The following NFIA variants were observed in gnomAD, a reference collection of about 807,000 sequenced individuals.
NFIA encodes nuclear factor I A.
In NFIA, 8 loss-of-function variants were observed where a neutral mutation model predicts 62.8. The observed-to-expected ratio is 0.13, with a 90% CI of 0.07 to 0.23. The LOEUF (loss-of-function observed/expected upper bound fraction) is 0.23. Among genes scored for constraint, NFIA ranks in the 10% least tolerant of loss-of-function variants. NFIA has a pLI of 1.00. For synonymous variants in NFIA, 235 were observed against 238.1 expected, an observed-to-expected ratio of 0.99 and a Z score of 0.12; for missense variants, 410 against 642.1, an observed-to-expected ratio of 0.64 and a Z score of 3.91.
rs780505516 is a variant in NFIA at position 61,082,564 on chromosome 1, G to T, written c.-228G>T. On this transcript the variant is annotated 5_prime_UTR_variant, in exon 1 of 11. Coordinates refer to ENST00000403491, the MANE Select transcript of NFIA (RefSeq NM_001134673.4). Reference sequence around the variant, plus strand: ...GGAGTGTAGGGAAACTCTAGGCGGGGTTAAAGTTCAGCTCATGGAGCGGCA... The same window carrying T: ...GGAGTGTAGGGAAACTCTAGGCGGGTTTAAAGTTCAGCTCATGGAGCGGCA... 1.8e-5 allele frequency: 27 copies of T among 1,461,620 alleles called. No homozygotes were observed. The highest frequency in any genetic ancestry group is 2.4e-5 in the Non-Finnish European group (27 of 1,102,772). 90.5% of individuals were successfully genotyped at this position (1,461,620 alleles called of 1,614,324 possible). A position where few individuals can be genotyped will look rare whatever the true frequency, so the allele number is the denominator to read the frequency against.
intron 5 of NFIA, 36 bp from the exon 6 acceptor site, chr1:61,359,111 G>A (rs759891148): frequency 3.7e-6 from 6 of 1,605,602 alleles, no homozygotes; most frequent in East Asian, 2.2e-5. Flanking sequence ...AGGTGGTTGC[G>A]ATTGCTTTTA....
chr1:61,404,607 C>T (rs1267581000), intron 8 of NFIA, among the ~76,000 whole-genome samples: 1 of 152,044 alleles, frequency 6.6e-6, no homozygotes, highest in African/African-American at 2.4e-5. Flanking sequence ...ATACAGTTAA[C>T]AAAATAGAAA....
rs61677972 is a variant in NFIA, at chr1:61,134,245, A to AGT, written c.559+45606_559+45607dup. Reference sequence around the variant, plus strand: ...GGGTGCTTTACAGACTGTGTGTGTGAGTGTGTGTGTGTGTGTGTGTGTGTG... The same window carrying AGT: ...GGGTGCTTTACAGACTGTGTGTGTGAGTGTGTGTGTGTGTGTGTGTGTGTGTG... On this transcript the variant is annotated intron_variant, in intron 2 of 10. Transcript: ENST00000403491. Among the ~76,000 whole-genome samples the AGT allele has an allele frequency of 3.7e-3, 547 of 146,402 alleles. 2 individuals carry two copies. Among genetic ancestry groups the AGT allele is most frequent in the African/African-American group, 0.01 (405 of 39,564 alleles).
At chr1:61,161,861 G>T (rs1649235349) in intron 2 of NFIA, among the ~76,000 whole-genome samples, 1 of 152,148 alleles carries the variant, frequency 6.6e-6, no homozygotes, top group Non-Finnish European at 1.5e-5. Flanking sequence ...TTTAGGAAAA[G>T]ATTAAAGCAT....
At chr1:61,328,183 T>C (rs1330560112) in intron 3 of NFIA, among the ~76,000 whole-genome samples, 1 of 152,014 alleles carries the variant, frequency 6.6e-6, no homozygotes, top group Non-Finnish European at 1.5e-5. Flanking sequence ...ATATTTCTTG[T>C]AAACTTTCTG....
chr1:61,268,301 T>C (rs2100257196), intron 2 of NFIA, among the ~76,000 whole-genome samples: 1 of 152,336 alleles, frequency 6.6e-6, no homozygotes, highest in East Asian at 1.9e-4. Context: ...AGAATTATTT[T>C]CTGATTATGG....
At chr1:61,327,099 A>C (rs1660987245) in intron 3 of NFIA, among the ~76,000 whole-genome samples, 2 of 148,280 alleles carry the variant, frequency 1.3e-5, no homozygotes, top group Non-Finnish European at 3.0e-5. Flanking sequence ...TTATATATAA[A>C]TATATATTTA....
At chr1:61,155,679 C>A (rs866867464) in intron 2 of NFIA, among the ~76,000 whole-genome samples, 305 of 108,522 alleles carry the variant, frequency 2.8e-3, no homozygotes, top group East Asian at 6.8e-3. Context: ...GACTCCATCT[C>A]AAAAAAAAAA....
At chr1:61,379,278 C>A (rs1442090628) in intron 6 of NFIA, among the ~76,000 whole-genome samples, 1 of 151,788 alleles carries the variant, frequency 6.6e-6, no homozygotes, top group Non-Finnish European at 1.5e-5. Flanking sequence ...GTTGCCCAGG[C>A]TGGAGTGCAG....
intron 4 of NFIA, among the ~76,000 whole-genome samples, chr1:61,336,188 T>C (rs1661596164): frequency 6.6e-6 from 1 of 152,238 alleles, no homozygotes; most frequent in African/African-American, 2.4e-5. Flanking sequence ...CCAAGGATTC[T>C]GTGCTTTTAT....
At chr1:61,310,022 T>C (rs746945310) in intron 3 of NFIA, among the ~76,000 whole-genome samples, 6 of 152,252 alleles carry the variant, frequency 3.9e-5, no homozygotes, top group Non-Finnish European at 7.3e-5. Flanking sequence ...TTAAAGCCAT[T>C]TGCTTTGAAT....
intron 2 of NFIA, among the ~76,000 whole-genome samples, chr1:61,276,510 A>G (rs971694583): frequency 2.0e-5 from 3 of 152,212 alleles, no homozygotes; most frequent in African/African-American, 7.2e-5. Context: ...CTCCGCAGAT[A>G]CAGAGGTTTT....
chr1:61,331,519 A>G (rs765726323), intron 3 of NFIA, among the ~76,000 whole-genome samples: 3 of 152,054 alleles, frequency 2.0e-5, no homozygotes, highest in Admixed American at 6.6e-5. Context: ...CTTTTATTGC[A>G]TTTTCTCAAG....
At chr1:61,180,820 C>T (rs1249399584) in intron 2 of NFIA, among the ~76,000 whole-genome samples, 1 of 152,104 alleles carries the variant, frequency 6.6e-6, no homozygotes, top group African/African-American at 2.4e-5. Flanking sequence ...GAAAATTCAA[C>T]GTATTCCCTT....
intron 3 of NFIA, among the ~76,000 whole-genome samples, chr1:61,327,357 A>G (rs1661002289): frequency 6.6e-6 from 1 of 151,848 alleles, no homozygotes; most frequent in Non-Finnish European, 1.5e-5. Flanking sequence ...CCCTCACCCA[A>G]GTAGTGTAAC....
chr1:61,204,119 G>C (rs1652728698), intron 2 of NFIA, among the ~76,000 whole-genome samples: 1 of 152,216 alleles, frequency 6.6e-6, no homozygotes, highest in African/African-American at 2.4e-5. Flanking sequence ...AACTGGACGG[G>C]GGCCTTTCTG....
At chr1:61,311,634 A>G (rs1371297276) in intron 3 of NFIA, among the ~76,000 whole-genome samples, 1 of 152,196 alleles carries the variant, frequency 6.6e-6, no homozygotes, top group African/African-American at 2.4e-5. Context: ...GTATCCAGAC[A>G]TTGCCAAATG....
At chr1:61,212,238 C>A (rs1310057537) in intron 2 of NFIA, among the ~76,000 whole-genome samples, 1 of 152,164 alleles carries the variant, frequency 6.6e-6, no homozygotes, top group Non-Finnish European at 1.5e-5. Flanking sequence ...TAACATTTCA[C>A]CTTTACTCCA....
chr1:61,119,171 A>G (rs1646844291), intron 2 of NFIA, among the ~76,000 whole-genome samples: 1 of 152,112 alleles, frequency 6.6e-6, no homozygotes, highest in African/African-American at 2.4e-5. Context: ...TGCACGTATA[A>G]TTGGTAATTT....
Sources: allele counts gnomAD v4.1 joint callset (sites outside exome capture counted in the v4.1 genomes callset), GRCh38; gene constraint gnomAD v4.1.1; transcripts MANE v1.5; gene names NCBI Gene and HGNC (gene_info 2026-07-23, HGNC 2026-07-21).